Variants in GDAP1 observed in about 807,000 individuals in gnomAD.
GDAP1 encodes the protein ganglioside induced differentiation associated protein 1.
In GDAP1, 34 loss-of-function variants were observed where a neutral mutation model predicts 40.1. The ratio of observed to expected loss-of-function variants is 0.85; its 90% CI spans 0.64 to 1.13. The LOEUF is 1.13. Among genes scored for constraint, GDAP1 ranks in the 50% most tolerant of loss-of-function variants. The pLI is 0.00. For missense variants in GDAP1, 374 were observed against 433.7 expected (o/e 0.86, Z 1.22); for synonymous variants, 170 against 157.4 (o/e 1.08, Z -0.60).
At chr8:74,370,093 G>A (rs1300319209), downstream of GDAP1, among the ~76,000 whole-genome samples, 1 of 152,222 alleles carries the variant, frequency 6.6e-6, no homozygotes, top group East Asian at 1.9e-4. Context: ...TTTTCAGACT[G>A]ATGGAGAATG....
Position 74,366,488 on chromosome 8 carries a change from TG to T in GDAP1, c.*2122del. ...TGAAAGGGATTACAGTATCACACAA[TG>T]TCAAGCTAGAGTTAAACACAGTATT... is the stretch of plus-strand genomic sequence containing the variant. On this transcript the variant is annotated 3_prime_UTR_variant, in exon 6 of 6. Coordinates refer to ENST00000220822, the MANE Select transcript of GDAP1 (RefSeq NM_018972.4). The T allele has an allele frequency of 2.2e-6, 1 of 454,470 alleles. No individual in the cohort carries two copies. Among genetic ancestry groups the T allele is most frequent in the African/African-American group, 2.0e-5 (1 of 50,130 alleles). The allele number at this position is 454,470 out of a possible 1,614,324, so 28.2% of individuals were successfully genotyped here. A position where few individuals can be genotyped will look rare whatever the true frequency, so the allele number is the denominator to read the frequency against.
At chr8:74,388,583 A>G in intron 2 of GDAP1, among the ~76,000 whole-genome samples, 1 of 151,980 alleles carries the variant, frequency 6.6e-6, no homozygotes, top group South Asian at 2.1e-4. Flanking sequence ...TTTGCTGAGG[A>G]GTGTTTTACT....
At chr8:74,478,733 C>T (rs1377647094) in intron 2 of GDAP1, among the ~76,000 whole-genome samples, 1 of 152,202 alleles carries the variant, frequency 6.6e-6, no homozygotes, top group East Asian at 1.9e-4. Context: ...GGGCTCCGCA[C>T]CAGCTGGAGT....
chr8:74,447,122 A>C (rs1213591456), intron 2 of GDAP1, among the ~76,000 whole-genome samples: 1 of 152,176 alleles, frequency 6.6e-6, no homozygotes, highest in African/African-American at 2.4e-5. Flanking sequence ...TTTATAGGTG[A>C]ATTCAGGTAT....
intron 2 of GDAP1, among the ~76,000 whole-genome samples, chr8:74,442,297 C>T (rs886409043): frequency 2.0e-5 from 3 of 152,208 alleles, no homozygotes; most frequent in African/African-American, 4.8e-5. Context: ...CCAGAGGATC[C>T]GGTACCTTCT....
chr8:74,487,008 C>T (rs960067683), intron 2 of GDAP1, among the ~76,000 whole-genome samples: 2 of 152,128 alleles, frequency 1.3e-5, no homozygotes, highest in Non-Finnish European at 2.9e-5. Flanking sequence ...AGTTACTTCT[C>T]CTCTCCAAGC....
intron 2 of GDAP1, among the ~76,000 whole-genome samples, chr8:74,374,663 G>A (rs940355952): frequency 1.3e-5 from 2 of 151,914 alleles, no homozygotes; most frequent in Non-Finnish European, 2.9e-5. Context: ...ACAAATAGAA[G>A]GGATGTCACT....
intron 2 of GDAP1, among the ~76,000 whole-genome samples, chr8:74,423,327 T>C (rs1805904857): frequency 6.8e-6 from 1 of 147,370 alleles, no homozygotes; most frequent in Admixed American, 6.9e-5. Flanking sequence ...ATATATACTA[T>C]TTATTATAGT....
rs1809600314 is a variant in GDAP1, at chr8:74,365,779, T to G, written c.*1412T>G. 2.2e-6 allele frequency: 1 copy of G among 453,770 alleles called. No individual in the cohort carries two copies. The highest frequency in any genetic ancestry group is 2.4e-5 in the Admixed American group (1 of 42,412). The allele number at this position is 453,770 out of a possible 1,614,324, so 28.1% of individuals were successfully genotyped here. On this transcript the variant is annotated 3_prime_UTR_variant, in exon 6 of 6. Transcript: ENST00000220822. ...TAGAAAACCTTGATGAACTATATGT[T>G]CCCGATTTACAAAAAAATTAATAAA... is the stretch of plus-strand genomic sequence containing the variant.
rs575631045 is a variant in GDAP1, at chr8:74,365,783, G to A, written c.*1416G>A. On this transcript the variant is annotated 3_prime_UTR_variant, in exon 6 of 6. Transcript: ENST00000220822. ...AAACCTTGATGAACTATATGTTCCC[G>A]ATTTACAAAAAAATTAATAAAACCT... 2.4e-5 allele frequency: 11 copies of A among 453,614 alleles called. No homozygotes were observed. The highest frequency in any genetic ancestry group is 7.0e-4 in the Middle Eastern group (1 of 1,438). 28.1% of individuals were successfully genotyped at this position (453,614 alleles called of 1,614,324 possible).
intron 2 of GDAP1, among the ~76,000 whole-genome samples, chr8:74,442,197 C>G (rs1806170207): frequency 6.6e-6 from 1 of 152,214 alleles, no homozygotes; most frequent in Non-Finnish European, 1.5e-5. Flanking sequence ...TGTGGTATTT[C>G]AGATACATTG....
At chr8:74,401,257 C>T (rs13270523) in intron 2 of GDAP1, among the ~76,000 whole-genome samples, 72,786 of 147,584 alleles carry the variant, frequency 0.49, 19,111 homozygotes, top group Middle Eastern at 0.58. Context: ...CGTTTCTTTT[C>T]ATTCTTTTTT....
At chr8:74,370,891 TTA>T (rs1266290026), downstream of GDAP1, among the ~76,000 whole-genome samples, 1 of 152,172 alleles carries the variant, frequency 6.6e-6, no homozygotes, top group African/African-American at 2.4e-5. Flanking sequence ...AGAGGGACAT[TTA>T]TGAATCACAA....
At chr8:74,350,651 G>A in intron 1 of GDAP1, 73 bp downstream of exon 1, 1 of 960,132 alleles carries the variant, frequency 1.0e-6, no homozygotes, top group South Asian at 1.3e-5. Flanking sequence ...TCTGAGTCCC[G>A]CCCAGGGAAG....
chr8:74,467,547 A>G (rs1285275355), intron 2 of GDAP1, among the ~76,000 whole-genome samples: 1 of 152,216 alleles, frequency 6.6e-6, no homozygotes, highest in African/African-American at 2.4e-5. Context: ...GTCAATGAAC[A>G]GGCAGTGCAA....
intron 2 of GDAP1, among the ~76,000 whole-genome samples, chr8:74,379,634 C>T (rs1180031320): frequency 2.0e-5 from 3 of 152,134 alleles, no homozygotes; most frequent in African/African-American, 7.2e-5. Context: ...CAAAAGCATG[C>T]CTTTCCTGTC....
At chr8:74,428,287 G>C (rs1264323139) in intron 2 of GDAP1, among the ~76,000 whole-genome samples, 2 of 151,986 alleles carry the variant, frequency 1.3e-5, no homozygotes, top group Non-Finnish European at 2.9e-5. Context: ...CAGTCACCTA[G>C]GAAGAAAAAT....
At chr8:74,455,133 C>G (rs1806319900) in intron 2 of GDAP1, among the ~76,000 whole-genome samples, 1 of 151,864 alleles carries the variant, frequency 6.6e-6, no homozygotes, top group Non-Finnish European at 1.5e-5. Flanking sequence ...AGATGAAGAT[C>G]TTCATTTGCT....
At position 74,360,170 on chromosome 8, in the gene GDAP1, G is replaced by A. The variant is rs767311066; in HGVS notation, c.344G>A (p.Ser115Asn). 1.2e-6 allele frequency: 2 copies of A among 1,613,476 alleles called. No individual in the cohort carries two copies. Among genetic ancestry groups the A allele is most frequent in the Non-Finnish European group, 8.5e-7 (1 of 1,179,392 alleles). Residue 115 changes from serine (S) to asparagine (N), a missense_variant, in exon 3 of 6, where the codon AGC becomes AAC. Ser to Asn is a conservative substitution (Grantham distance 46). Coordinates refer to ENST00000220822, the MANE Select transcript of GDAP1 (RefSeq NM_018972.4). ...RTPRLMPDKE[S>N]MYYPRVQHYR... ...CCCAGGTTAATGCCTGATAAAGAAAGCATGTATTACCCACGGGTACAACAT... is the reference window on the plus strand; with the variant it reads ...CCCAGGTTAATGCCTGATAAAGAAAACATGTATTACCCACGGGTACAACAT...
Sources: allele counts gnomAD v4.1 joint callset (sites outside exome capture counted in the v4.1 genomes callset), GRCh38; gene constraint gnomAD v4.1.1; transcripts MANE v1.5; gene names NCBI Gene and HGNC (gene_info 2026-07-23, HGNC 2026-07-21).